The following SGK3 variants were observed in gnomAD, a reference collection of about 807,000 sequenced individuals.
SGK3 encodes serum/glucocorticoid regulated kinase family member 3, also known as serine/threonine-protein kinase Sgk3.
SGK3 carries 47 observed loss-of-function variants against 68.5 expected under a neutral mutation model. The ratio of observed to expected loss-of-function variants is 0.69; its 90% CI spans 0.54 to 0.87. The LOEUF is 0.87. Ranked by LOEUF, SGK3 falls within the 40% of genes least tolerant of loss-of-function variation. The probability of loss-of-function intolerance (pLI) is 0.00; values close to 1 mark genes in which losing one functional copy is unlikely to be tolerated. For missense variants in SGK3, 479 were observed against 575.5 expected (o/e 0.83, Z 1.72); for synonymous variants, 181 against 189.1 (o/e 0.96, Z 0.35).
In SGK3 at chr8:66,804,444, C is replaced by T. The variant is rs1282582183; in HGVS notation, c.250C>T (p.Pro84Ser). 1.9e-6 allele frequency: 3 copies of T among 1,612,166 alleles called. No homozygotes were observed. Among genetic ancestry groups the T allele is most frequent in the Non-Finnish European group, 2.5e-6 (3 of 1,179,328 alleles). The change falls in exon 4 of 17, where the codon CCA becomes TCA. Residue 84 changes from proline to serine, a missense_variant. Coordinates refer to ENST00000521198, the MANE Select transcript of SGK3 (RefSeq NM_001033578.3). ...AKRIFGDNFD[P>S]DFIKQRRAGL... ...GAGAATATTTGGTGATAATTTTGAT[C>T]CAGGTAAGAAACAACTTCATAGGCC...
chr8:66,740,850 T>A (rs1805456901), intron 1 of SGK3, among the ~76,000 whole-genome samples: 1 of 136,986 alleles, frequency 7.3e-6, no homozygotes, highest in Non-Finnish European at 1.5e-5. Flanking sequence ...GAGGATGCGG[T>A]GAGCCGAGAT....
At chr8:66,780,374 C>T (rs575071954) in intron 1 of SGK3, among the ~76,000 whole-genome samples, 42 of 152,274 alleles carry the variant, frequency 2.8e-4, no homozygotes, top group African/African-American at 9.6e-4. Context: ...GTTCCCACAC[C>T]CTAGTCAGGG....
intron 8 of SGK3, among the ~76,000 whole-genome samples, chr8:66,835,007 C>T (rs117376021): frequency 0.037 from 5,576 of 151,868 alleles, 137 homozygotes; most frequent in Non-Finnish European, 0.053. Flanking sequence ...CGGTGGCTTA[C>T]GCCTGTTATC....
chr8:66,730,693 G>T (rs940950009), intron 1 of SGK3, among the ~76,000 whole-genome samples: 5 of 151,800 alleles, frequency 3.3e-5, no homozygotes, highest in Non-Finnish European at 5.9e-5. Context: ...ACTGTTTTTT[G>T]TTTGTTTGTT....
At chr8:66,745,418 AC>A (rs1407040862) in intron 1 of SGK3, among the ~76,000 whole-genome samples, 3 of 151,964 alleles carry the variant, frequency 2.0e-5, no homozygotes, top group African/African-American at 4.8e-5. Context: ...AAAAAATACA[AC>A]AAAAATTAGC....
chr8:66,756,441 C>T (rs1805976124), intron 1 of SGK3, among the ~76,000 whole-genome samples: 2 of 152,168 alleles, frequency 1.3e-5, no homozygotes, highest in Admixed American at 6.5e-5. Context: ...GGACTCACTC[C>T]ATCTATGAGG....
At chr8:66,737,369 T>G (rs2130385576) in intron 1 of SGK3, 1 of 151,698 alleles carries the variant, frequency 6.6e-6, no homozygotes, top group East Asian at 1.9e-4. Flanking sequence ...AAAAAAAAAT[T>G]CTGAGAAGCA....
rs575403845 is a variant in SGK3 at position 66,859,317 on chromosome 8, G to A, written c.1321-94G>A. The A allele has an allele frequency of 3.0e-6, 4 of 1,338,158 alleles. No homozygotes were observed. The East Asian group carries it at 8.0e-5, about 27-fold the overall frequency. The allele number at this position is 1,338,158 out of a possible 1,614,324, so 82.9% of individuals were successfully genotyped here. ...CACTGGCATGCCAGCCCAGGTGGCA[G>A]TGTGAGACTCTGTCTCAAATAAATA... is the stretch of plus-strand genomic sequence containing the variant. On this transcript the variant is annotated intron_variant, in intron 16 of 16. Coordinates refer to ENST00000521198, the MANE Select transcript of SGK3 (RefSeq NM_001033578.3).
At position 66,858,382 on chromosome 8, in the gene SGK3, C is replaced by T. The variant is rs1287824519; in HGVS notation, c.1321-1029C>T. ...TCGGGAGGCTGAGGCAGGAGAATGGCGTGAACCCGGGAGGCGGAGCTTGCA... is the reference window on the plus strand; with the variant it reads ...TCGGGAGGCTGAGGCAGGAGAATGGTGTGAACCCGGGAGGCGGAGCTTGCA... On this transcript the variant is annotated intron_variant, in intron 16 of 16. Transcript: ENST00000521198. Among the ~76,000 whole-genome samples the T allele has an allele frequency of 5.9e-4, 89 of 151,442 alleles. 2 individuals carry two copies. The highest frequency in any genetic ancestry group is 2.9e-4 in the Non-Finnish European group (20 of 67,940).
intron 1 of SGK3, among the ~76,000 whole-genome samples, chr8:66,780,133 A>G (rs1806914169): frequency 6.6e-6 from 1 of 152,214 alleles, no homozygotes; most frequent in Non-Finnish European, 1.5e-5. Context: ...GGAGGATTTT[A>G]TTAAGATACC....
Position 66,840,198 on chromosome 8 carries a change from T to G in SGK3, c.855-13T>G. Reference sequence around the variant, plus strand: ...GTATTCAGTTTTGCGTTTCTTTCCTTTTAATTTGATAGAGACTTGAAACCA... The same window carrying G: ...GTATTCAGTTTTGCGTTTCTTTCCTGTTAATTTGATAGAGACTTGAAACCA... On this transcript the variant is annotated splice_polypyrimidine_tract_variant and intron_variant, in intron 11 of 16. Transcript: ENST00000521198. The G allele has an allele frequency of 1.3e-6, 2 of 1,594,716 alleles. No individual in the cohort carries two copies. The highest frequency in any genetic ancestry group is 1.7e-6 in the Non-Finnish European group (2 of 1,171,604).
At chr8:66,757,671 T>G (rs1806021280) in intron 1 of SGK3, among the ~76,000 whole-genome samples, 1 of 151,460 alleles carries the variant, frequency 6.6e-6, no homozygotes, top group Admixed American at 6.6e-5. Flanking sequence ...TCCCAGCACT[T>G]TGGGGGGCTG....
intron 16 of SGK3, among the ~76,000 whole-genome samples, chr8:66,856,963 C>T (rs1002735284): frequency 5.9e-5 from 9 of 152,132 alleles, no homozygotes; most frequent in Admixed American, 6.5e-5. Context: ...CATGGTGGCA[C>T]ATATCTGTAG....
At chr8:66,742,357 C>T (rs1385451002) in intron 1 of SGK3, among the ~76,000 whole-genome samples, 1 of 151,958 alleles carries the variant, frequency 6.6e-6, no homozygotes, top group Non-Finnish European at 1.5e-5. Context: ...ATATATTTCT[C>T]CATTAATTTT....
chr8:66,729,903 C>A (rs2130363780), intron 1 of SGK3, among the ~76,000 whole-genome samples: 1 of 152,208 alleles, frequency 6.6e-6, no homozygotes, highest in East Asian at 1.9e-4. Context: ...CACCACCACA[C>A]CCAGCTAATT....
intron 6 of SGK3, among the ~76,000 whole-genome samples, chr8:66,827,218 C>T (rs1470907083): frequency 6.6e-6 from 1 of 151,104 alleles, no homozygotes; most frequent in African/African-American, 2.4e-5. Flanking sequence ...CCTATATCTA[C>T]TAAAAATACA....
chr8:66,749,619 G>A (rs1805753046), intron 1 of SGK3, among the ~76,000 whole-genome samples: 1 of 152,060 alleles, frequency 6.6e-6, no homozygotes, highest in African/African-American at 2.4e-5. Context: ...AGGAGGATTT[G>A]AGATTGAGAT....
intron 1 of SGK3, among the ~76,000 whole-genome samples, chr8:66,748,578 C>T (rs1208490271): frequency 6.6e-6 from 1 of 152,170 alleles, no homozygotes; most frequent in Non-Finnish European, 1.5e-5. Flanking sequence ...GCATCTCGAT[C>T]CTCCTGGACC....
intron 1 of SGK3, among the ~76,000 whole-genome samples, chr8:66,777,425 A>C (rs1006672775): frequency 2.0e-5 from 3 of 152,182 alleles, no homozygotes; most frequent in Admixed American, 6.5e-5. Context: ...CATTTCCAAC[A>C]AGACTAGTAA....
Sources: gnomAD v4.1 joint callset for allele counts (sites outside exome capture counted in the v4.1 genomes callset) on GRCh38, gnomAD v4.1.1 for gene constraint, MANE v1.5 for transcripts, NCBI Gene and HGNC (gene_info 2026-07-23, HGNC 2026-07-21) for gene names.